The following CCDC57 variants were observed in gnomAD, a reference collection of about 807,000 sequenced individuals.
The protein encoded by CCDC57 is coiled-coil domain containing 57.
CCDC57 carries 118 observed loss-of-function variants against 118.9 expected under a neutral mutation model. That is an observed-to-expected ratio of 0.99 (90% CI 0.86 to 1.16). The LOEUF (loss-of-function observed/expected upper bound fraction) is 1.16, where lower values mean the gene tolerates loss of function less well. Among genes scored for constraint, CCDC57 ranks in the 50% most tolerant of loss-of-function variants. The probability of loss-of-function intolerance (pLI) is 0.00; values close to 1 mark genes in which losing one functional copy is unlikely to be tolerated. For synonymous variants in CCDC57, 527 were observed against 532.9 expected, an observed-to-expected ratio of 0.99 and a Z score of 0.15; for missense variants, 1,300 against 1,320.7, an observed-to-expected ratio of 0.98 and a Z score of 0.24.
At chr17:82,174,627 C>T (rs937958893) in intron 11 of CCDC57, among the ~76,000 whole-genome samples, 2 of 152,160 alleles carry the variant, frequency 1.3e-5, no homozygotes, top group Non-Finnish European at 2.9e-5. Flanking sequence ...TCTGAAGTTC[C>T]CAGGATTCTT....
At position 82,125,039 on chromosome 17, in the gene CCDC57, G is replaced by T. The variant is rs546721421; in HGVS notation, c.2899+2653C>A. Among the ~76,000 whole-genome samples, 50 of 152,326 alleles carry T rather than the reference G, an allele frequency of 3.3e-4. No homozygotes were observed. In the South Asian group the frequency reaches 3.5e-3, roughly 11 times the overall value. ...GTGCAGGTGGGAGGGTCAGGAAGAC[G>T]GAGTGGGACGCGGCTGCGTGGAAGA... is the stretch of plus-strand genomic sequence containing the variant. On this transcript the variant is annotated intron_variant, in intron 19 of 19. Transcript: ENST00000665763.
In CCDC57 at chr17:82,202,312, C is replaced by CA. The variant is rs1391854703; in HGVS notation, c.-8-361dup. Among the ~76,000 whole-genome samples, 3 of 148,798 alleles carry CA rather than the reference C, an allele frequency of 2.0e-5. No individual in the cohort carries two copies. The East Asian group carries it at 6.0e-4, about 30-fold the overall frequency. The stretch of plus-strand genomic sequence containing the variant: ...TGAAACCCCGTCTCTACTAAAAATA[C>CA]AAAAAATTAGCCTGCTGTGGTGGCA... On this transcript the variant is annotated intron_variant, in intron 2 of 19. Coordinates refer to ENST00000665763, the Ensembl canonical transcript of CCDC57.
At chr17:82,178,435 G>T in intron 11 of CCDC57, 39 bp downstream of exon 10, 1 of 1,559,706 alleles carries the variant, frequency 6.4e-7, no homozygotes, top group Non-Finnish European at 8.7e-7. Flanking sequence ...CACCGCTGCT[G>T]TTGAGCAAAG....
exon 11 of CCDC57, chr17:82,178,475 T>C: frequency 6.2e-7 from 1 of 1,606,752 alleles, no homozygotes; most frequent in East Asian, 2.2e-5. Context: ...TACTCTCACC[T>C]GTGCCCCTGG....
chr17:82,165,401 T>C (rs2043858368), intron 13 of CCDC57, among the ~76,000 whole-genome samples: 1 of 151,530 alleles, frequency 6.6e-6, no homozygotes, highest in African/African-American at 2.4e-5. Context: ...GGGCCTCGGA[T>C]CCCAGGGGTG....
At chr17:82,163,209 G>A in exon 14 of CCDC57, 1 of 1,613,866 alleles carries the variant, frequency 6.2e-7, no homozygotes, top group Non-Finnish European at 8.5e-7. Flanking sequence ...CCTTCTGTCT[G>A]AGTCGTGTCA....
At chr17:82,136,334 G>A (rs1236423148) in intron 16 of CCDC57, among the ~76,000 whole-genome samples, 1 of 152,116 alleles carries the variant, frequency 6.6e-6, no homozygotes, top group African/African-American at 2.4e-5. Flanking sequence ...AGGCACAAAG[G>A]GACACATCCT....
intron 15 of CCDC57, among the ~76,000 whole-genome samples, chr17:82,153,162 G>A (rs1015003208): frequency 5.9e-5 from 9 of 152,264 alleles, no homozygotes; most frequent in Admixed American, 5.9e-4. Flanking sequence ...TTGGGTGTGG[G>A]AGAGGCCAAG....
At chr17:82,138,293 T>C (rs113431713) in intron 16 of CCDC57, among the ~76,000 whole-genome samples, 66,882 of 150,864 alleles carry the variant, frequency 0.44, 15,688 homozygotes, top group East Asian at 0.87. Flanking sequence ...GGACTACAGG[T>C]GCCCACCACC....
intron 17 of CCDC57, among the ~76,000 whole-genome samples, chr17:82,131,666 C>T (rs892617894): frequency 3.3e-5 from 5 of 151,874 alleles, no homozygotes; most frequent in Admixed American, 6.6e-5. Flanking sequence ...GTGGAAAGAT[C>T]ACTTGAGCCT....
At chr17:82,133,911 C>T in intron 17 of CCDC57, among the ~76,000 whole-genome samples, 162 bp downstream of exon 16, 1 of 152,028 alleles carries the variant, frequency 6.6e-6, no homozygotes. Flanking sequence ...AAACAAAAAC[C>T]CAGCAGAAAA....
intron 19 of CCDC57, among the ~76,000 whole-genome samples, chr17:82,120,712 G>C (rs968574089): frequency 2.6e-5 from 4 of 152,020 alleles, no homozygotes; most frequent in African/African-American, 9.7e-5. Flanking sequence ...TCCTTCACAG[G>C]GTGAATCAAA....
intron 9 of CCDC57, among the ~76,000 whole-genome samples, chr17:82,179,763 G>A (rs1204639958): frequency 6.6e-6 from 1 of 152,190 alleles, no homozygotes; most frequent in Non-Finnish European, 1.5e-5. Flanking sequence ...ATGTAAAGGG[G>A]CAGGTCCACC....
Position 82,212,395 on chromosome 17 carries a change from C to CTTT in CCDC57, c.-211+389_-211+390insAAA, listed in dbSNP as rs764385537. ...ACCGCCTCCGGCCTTTTTTTTTCCT[C>CTTT]TCTTTTTTTTTTTTTTTTTTTAAAC... On this transcript the variant is annotated intron_variant, in intron 1 of 19. Transcript: ENST00000665763. This position sits in a 1 kb window ranked among gnomAD's most constrained non-coding sequence, Gnocchi z 4.1. 5.0e-4 allele frequency among the ~76,000 whole-genome samples: 67 copies of CTTT among 134,210 alleles called. 3 individuals carry two copies. Among genetic ancestry groups the CTTT allele is most frequent in the African/African-American group, 9.0e-4 (31 of 34,328 alleles). 88.0% of individuals were successfully genotyped at this position (134,210 alleles called of 152,430 possible).
At chr17:82,141,911 T>TCTTTGCGATTTGAGCTG (rs2040063807) in intron 16 of CCDC57, among the ~76,000 whole-genome samples, 1 of 152,224 alleles carries the variant, frequency 6.6e-6, no homozygotes, top group Non-Finnish European at 1.5e-5. Flanking sequence ...CCCCTCATTG[T>TCTTTGCGATTTGAGCTG]CTTTGCGATT....
At chr17:82,109,141 G>A (rs2035070895) in intron 19 of CCDC57, among the ~76,000 whole-genome samples, 1 of 152,206 alleles carries the variant, frequency 6.6e-6, no homozygotes. Flanking sequence ...AAAGTGTTGG[G>A]GGAGTCACTG....
chr17:82,148,584 G>A (rs1465115399), intron 16 of CCDC57, among the ~76,000 whole-genome samples: 5 of 98,760 alleles, frequency 5.1e-5, no homozygotes, highest in Admixed American at 1.2e-4. Flanking sequence ...TGGATGGGTG[G>A]GTGGATGGTA....
At position 82,106,884 on chromosome 17, in the gene CCDC57, G is replaced by A. The variant is rs1390498679; in HGVS notation, c.2900-5018C>T. On this transcript the variant is annotated intron_variant, in intron 19 of 19. Coordinates refer to ENST00000665763, the Ensembl canonical transcript of CCDC57. ...AAAAGGGGCCCATGGGGCCTTCCCA[G>A]GTCTGCCAGGCCAGCTTACAGCTCC... 3.3e-5 allele frequency among the ~76,000 whole-genome samples: 5 copies of A among 152,336 alleles called. No homozygotes were observed. The East Asian group carries it at 9.6e-4, about 29-fold the overall frequency.
intron 16 of CCDC57, among the ~76,000 whole-genome samples, chr17:82,147,203 T>C (rs531091214): frequency 7.4e-4 from 109 of 147,456 alleles, no homozygotes; most frequent in Admixed American, 1.6e-3. Flanking sequence ...AATGGATGGA[T>C]AGGTGGGTGC....
Sources: allele counts gnomAD v4.1 joint callset (sites outside exome capture counted in the v4.1 genomes callset), GRCh38; gene constraint gnomAD v4.1.1; non-coding constraint Gnocchi (gnomAD v3.1); transcripts MANE v1.5; gene names NCBI Gene and HGNC (gene_info 2026-07-23, HGNC 2026-07-21).